Variants in NSD3 observed in about 807,000 individuals in gnomAD.
NSD3 encodes nuclear receptor binding SET domain protein 3.
In NSD3, 24 loss-of-function variants were observed where a neutral mutation model predicts 160.8. That is an observed-to-expected ratio of 0.15 (90% CI 0.11 to 0.21). The LOEUF (loss-of-function observed/expected upper bound fraction) is 0.21, where lower values mean the gene tolerates loss of function less well. Ranked by LOEUF, NSD3 falls within the 10% of genes least tolerant of loss-of-function variation. The pLI is 1.00. For synonymous variants in NSD3, 520 were observed against 600.0 expected, an observed-to-expected ratio of 0.87 and a Z score of 1.95; for missense variants, 1,157 against 1,735.9, an observed-to-expected ratio of 0.67 and a Z score of 5.93.
At chr8:38,327,530 T>C (rs999258382) in intron 6 of NSD3, among the ~76,000 whole-genome samples, 2 of 152,146 alleles carry the variant, frequency 1.3e-5, no homozygotes, top group African/African-American at 2.4e-5. Flanking sequence ...AATTCCAAGA[T>C]ACATTTTAAA....
chr8:38,370,161 C>T (rs975303430), intron 1 of NSD3, among the ~76,000 whole-genome samples: 3 of 152,020 alleles, frequency 2.0e-5, no homozygotes, highest in Non-Finnish European at 4.4e-5. Flanking sequence ...GAACAACTTT[C>T]GGGGGGAAGG....
At chr8:38,303,164 T>C (rs1809315007) in intron 14 of NSD3, 2 of 915,402 alleles carry the variant, frequency 2.2e-6, no homozygotes, top group Non-Finnish European at 2.6e-6. Context: ...TAAGAGACTT[T>C]ATGTTATCAC....
intron 1 of NSD3, among the ~76,000 whole-genome samples, chr8:38,366,558 C>T (rs62503957): frequency 0.044 from 6,732 of 151,696 alleles, 194 homozygotes; most frequent in South Asian, 0.092. Flanking sequence ...GGACTACAGG[C>T]GCCCGCCACC....
At position 38,288,817 on chromosome 8, in the gene NSD3, A is replaced by G; in HGVS notation, c.3232-61T>C. ...AGGTAAGTCATCTGGCAATGTGAACAGGAACATCTAAAACATCCACGCTAC... is the reference window on the plus strand; with the variant it reads ...AGGTAAGTCATCTGGCAATGTGAACGGGAACATCTAAAACATCCACGCTAC... On this transcript the variant is annotated intron_variant, in intron 18 of 23. Coordinates refer to ENST00000317025, the MANE Select transcript of NSD3 (RefSeq NM_023034.2). This position sits in a 1 kb window ranked among gnomAD's most constrained non-coding sequence, Gnocchi z 4.5. 1.3e-6 allele frequency: 2 copies of G among 1,580,892 alleles called. No individual in the cohort carries two copies. The highest frequency in any genetic ancestry group is 1.7e-6 in the Non-Finnish European group (2 of 1,160,988).
rs1809634335 is a variant in NSD3, at chr8:38,315,462, A to G, written c.2069T>C (p.Leu690Ser). 6.2e-7 allele frequency: 1 copy of G among 1,605,682 alleles called. No individual in the cohort carries two copies. The part of the protein sequence containing the change: ...VSDVQSMDSS[L>S]SRRGTGMSKK... ...ACTCATTCCAGTGCCTCTTCTCGAC[A>G]AACTTGAATCCATGGACTGCACATC... Residue 690 changes from leucine to serine, a missense_variant, in exon 11 of 24, where the codon TTG (leucine) becomes TCG (serine). Physicochemically the swap from Leu to Ser is moderately radical, Grantham distance 145. Transcript: ENST00000317025.
chr8:38,335,743 T>A (rs1196641619), intron 4 of NSD3, among the ~76,000 whole-genome samples: 2 of 152,238 alleles, frequency 1.3e-5, no homozygotes, highest in Admixed American at 6.5e-5. Flanking sequence ...CCCTGTAATA[T>A]AAGGCAGTGT....
chr8:38,315,841 CCCCAAATAAATAAGG>C, intron 10 of NSD3, 56 bp downstream of exon 10: 1 of 1,547,054 alleles, frequency 6.5e-7, no homozygotes, highest in South Asian at 1.2e-5. Context: ...GTCCTGATTT[CCCCAAATAAATAAGG>C]GAAAAGCATT....
chr8:38,307,122 A>T (rs1367500642), intron 12 of NSD3, among the ~76,000 whole-genome samples: 7 of 139,210 alleles, frequency 5.0e-5, no homozygotes, highest in African/African-American at 1.0e-4. Context: ...CTCAAAAAAA[A>T]AAAAAATAAA....
chr8:38,365,331 C>CT (rs1478407825), intron 1 of NSD3, among the ~76,000 whole-genome samples: 1 of 152,120 alleles, frequency 6.6e-6, no homozygotes, highest in Non-Finnish European at 1.5e-5. Context: ...CTACTGAACA[C>CT]TAACTATGTA....
chr8:38,317,592 A>C lies in NSD3; in HGVS notation c.1855+1303T>G. On this transcript the variant is annotated intron_variant, in intron 9 of 23. Coordinates refer to ENST00000317025, the MANE Select transcript of NSD3 (RefSeq NM_023034.2). The surrounding 1 kb of genome is among the most constrained non-coding windows in gnomAD (Gnocchi z 5.3). ...AAAAATAAGAACTTTTAATGATTGTAATGTATACAGTTTGGGCTGTTTGGC... is the reference window on the plus strand; with the variant it reads ...AAAAATAAGAACTTTTAATGATTGTCATGTATACAGTTTGGGCTGTTTGGC... The C allele has an allele frequency of 9.2e-7, 1 of 1,086,266 alleles. No homozygotes were observed. The highest frequency in any genetic ancestry group is 1.1e-6 in the Non-Finnish European group (1 of 892,552). The allele number at this position is 1,086,266 out of a possible 1,614,324, so 67.3% of individuals were successfully genotyped here. A position where few individuals can be genotyped will look rare whatever the true frequency, so the allele number is the denominator to read the frequency against.
chr8:38,360,544 C>A (rs1343360634), intron 1 of NSD3, among the ~76,000 whole-genome samples: 1 of 152,170 alleles, frequency 6.6e-6, no homozygotes, highest in Non-Finnish European at 1.5e-5. Flanking sequence ...AAAACATTTT[C>A]CTGTACTACT....
intron 3 of NSD3, 76 bp downstream of exon 3, chr8:38,338,460 T>C (rs1193454810): frequency 8.4e-7 from 1 of 1,193,928 alleles, no homozygotes; most frequent in Admixed American, 1.7e-5. Flanking sequence ...CCAATACAAT[T>C]GTGTTGCAAT....
chr8:38,355,516 A>G (rs942811611), intron 1 of NSD3, among the ~76,000 whole-genome samples: 1 of 152,220 alleles, frequency 6.6e-6, no homozygotes, highest in Non-Finnish European at 1.5e-5. Context: ...ACAATGTGAA[A>G]CAGAAGATGA....
chr8:38,344,428 C>A (rs1343115764), intron 2 of NSD3, among the ~76,000 whole-genome samples: 1 of 152,134 alleles, frequency 6.6e-6, no homozygotes, highest in Non-Finnish European at 1.5e-5. Context: ...CCCACCACCA[C>A]GCCCGGCTAA....
intron 2 of NSD3, among the ~76,000 whole-genome samples, chr8:38,339,392 A>G (rs1348238016): frequency 1.3e-5 from 2 of 152,176 alleles, no homozygotes; most frequent in African/African-American, 4.8e-5. Flanking sequence ...AAGTATGAAG[A>G]TATGCATACC....
At position 38,299,174 on chromosome 8, in the gene NSD3, T is replaced by C. The variant is rs747953073; in HGVS notation, c.2758+270A>G. On this transcript the variant is annotated intron_variant, in intron 15 of 23. Transcript: ENST00000317025. Reference sequence around the variant, plus strand: ...GATTCTATATTTATACTGACCAAAATCCTAGTCTTCCTATTTTAATAACTT... The same window carrying C: ...GATTCTATATTTATACTGACCAAAACCCTAGTCTTCCTATTTTAATAACTT... Among the ~76,000 whole-genome samples, 11 of 152,298 alleles carry C rather than the reference T, an allele frequency of 7.2e-5. No homozygotes were observed. In the Middle Eastern group the frequency reaches 0.01, roughly 141 times the overall value.
In NSD3 at chr8:38,331,354, C is replaced by T; in HGVS notation, c.1065+77G>A. On this transcript the variant is annotated intron_variant, in intron 5 of 23. Transcript: ENST00000317025. ...AAGGATTCTAATAATTATCTGAATT[C>T]AAGTATGAAAAATTCTTCTAAATTA... The T allele has an allele frequency of 2.2e-6, 3 of 1,393,024 alleles. No individual in the cohort carries two copies. In the African/African-American group the frequency reaches 4.4e-5, roughly 20 times the overall value. 86.3% of individuals were successfully genotyped at this position (1,393,024 alleles called of 1,614,324 possible).
At position 38,316,497 on chromosome 8, in the gene NSD3, C is replaced by T. The variant is rs1211657015; in HGVS notation, c.1856-455G>A. On this transcript the variant is annotated intron_variant, in intron 9 of 23. Coordinates refer to ENST00000317025, the MANE Select transcript of NSD3 (RefSeq NM_023034.2). This position sits in a 1 kb window ranked among gnomAD's most constrained non-coding sequence, Gnocchi z 4.5. ...ACAAATCTTTGATTTGTATTCGATTCGTACACGGATAGTGCCATTTTCCCC... is the reference window on the plus strand; with the variant it reads ...ACAAATCTTTGATTTGTATTCGATTTGTACACGGATAGTGCCATTTTCCCC... 2.9e-6 allele frequency: 3 copies of T among 1,046,556 alleles called. No individual in the cohort carries two copies. Among genetic ancestry groups the T allele is most frequent in the Admixed American group, 5.5e-5 (1 of 18,318 alleles). The allele number at this position is 1,046,556 out of a possible 1,614,324, so 64.8% of individuals were successfully genotyped here.
At chr8:38,286,314 C>T (rs1328879759) in intron 19 of NSD3, among the ~76,000 whole-genome samples, 1 of 152,152 alleles carries the variant, frequency 6.6e-6, no homozygotes, top group Non-Finnish European at 1.5e-5. Flanking sequence ...AACACACACA[C>T]ACACACCCCA....
Sources: allele counts gnomAD v4.1 joint callset (sites outside exome capture counted in the v4.1 genomes callset), GRCh38; gene constraint gnomAD v4.1.1; non-coding constraint Gnocchi (gnomAD v3.1); transcripts MANE v1.5; gene names NCBI Gene and HGNC (gene_info 2026-07-23, HGNC 2026-07-21).